The following FNIP1 variants were observed in gnomAD, a reference collection of about 807,000 sequenced individuals.
FNIP1 encodes the protein folliculin-interacting protein 1.
FNIP1 carries 40 observed loss-of-function variants against 124.5 expected under a neutral mutation model. That is an observed-to-expected ratio of 0.32 (90% CI 0.25 to 0.42). The LOEUF (loss-of-function observed/expected upper bound fraction) is 0.42, where lower values mean the gene tolerates loss of function less well. FNIP1 is among the 10% of genes least tolerant of loss of function. The pLI is 1.00. For synonymous variants in FNIP1, 472 were observed against 470.6 expected, an observed-to-expected ratio of 1.00 and a Z score of -0.04; for missense variants, 1,176 against 1,403.7, an observed-to-expected ratio of 0.84 and a Z score of 2.59.
intron 2 of FNIP1, among the ~76,000 whole-genome samples, chr5:131,739,812 CAAAAAAAAA>C (rs60928249): frequency 3.2e-5 from 1 of 31,382 alleles, no homozygotes; most frequent in Non-Finnish European, 7.3e-5. Context: ...GACTCCAGCT[CAAAAAAAAA>C]AAAAAAAAAA....
chr5:131,704,178 T>C lies in FNIP1; in HGVS notation c.1003A>G (p.Ile335Val). 6.2e-7 allele frequency: 1 copy of C among 1,613,554 alleles called. No homozygotes were observed. Among genetic ancestry groups the C allele is most frequent in the South Asian group, 1.1e-5 (1 of 91,066 alleles). Reference sequence around the variant, plus strand: ...TCTTCATCTTTGGACAATGAAAAGATTACCCCAATTGCAATCTTCTTTTTC... The same window carrying C: ...TCTTCATCTTTGGACAATGAAAAGACTACCCCAATTGCAATCTTCTTTTTC... The part of the protein sequence containing the change: ...VRKKKIAIGV[I>V]FSLSKDEDEN... The change falls in exon 10 of 18, where the codon ATC (isoleucine) becomes GTC (valine). Residue 335 changes from isoleucine (I) to valine (V), a missense_variant. Physicochemically the swap from Ile to Val is conservative, Grantham distance 29. Around this residue, in one of 2 missense-constraint regions of FNIP1, gnomAD observed 1,109 missense variants for 1,288.5 expected, o/e 0.86. Coordinates refer to ENST00000510461, the MANE Select transcript of FNIP1 (RefSeq NM_133372.3).
intron 16 of FNIP1, among the ~76,000 whole-genome samples, chr5:131,648,675 A>C (rs981403929): frequency 6.6e-6 from 1 of 152,180 alleles, no homozygotes. Context: ...TACAGTATAT[A>C]ATTATATAGT....
intron 1 of FNIP1, among the ~76,000 whole-genome samples, chr5:131,783,921 C>T (rs2149585765): frequency 6.6e-6 from 1 of 151,938 alleles, no homozygotes; most frequent in Admixed American, 6.6e-5. Context: ...TCAGGAAACT[C>T]CTGGATAGAT....
chr5:131,715,511 C>A lies in FNIP1; in HGVS notation c.622+1054G>T, dbSNP rs200342732. 2.6e-4 allele frequency among the ~76,000 whole-genome samples: 40 copies of A among 152,056 alleles called. No individual in the cohort carries two copies. The East Asian group carries it at 6.6e-3, about 25-fold the overall frequency. ...AAAAAACAAAAACAAACAAAAAAAA[C>A]CCATAATTACTTTCAACTTTCAACA... On this transcript the variant is annotated intron_variant, in intron 6 of 17. Transcript: ENST00000510461.
chr5:131,763,896 G>A (rs868112589), intron 1 of FNIP1, among the ~76,000 whole-genome samples: 1 of 152,122 alleles, frequency 6.6e-6, no homozygotes, highest in South Asian at 2.1e-4. Flanking sequence ...ATATAGTTTG[G>A]ATCTGTGTCC....
At chr5:131,711,655 C>T (rs906494302) in intron 6 of FNIP1, among the ~76,000 whole-genome samples, 1 of 152,128 alleles carries the variant, frequency 6.6e-6, no homozygotes, top group African/African-American at 2.4e-5. Context: ...CCACCAGGCC[C>T]AGCTAATTTT....
intron 1 of FNIP1, among the ~76,000 whole-genome samples, chr5:131,777,168 T>C (rs953502005): frequency 6.6e-6 from 1 of 151,856 alleles, no homozygotes; most frequent in Non-Finnish European, 1.5e-5. Flanking sequence ...AAATAAACTA[T>C]AGTAAGACTG....
chr5:131,740,153 G>T (rs1770466216), intron 2 of FNIP1, among the ~76,000 whole-genome samples: 1 of 152,140 alleles, frequency 6.6e-6, no homozygotes, highest in Non-Finnish European at 1.5e-5. Flanking sequence ...GACTTTTAAA[G>T]TTCTAAACTT....
At chr5:131,790,042 A>G (rs989288668) in intron 1 of FNIP1, among the ~76,000 whole-genome samples, 1 of 152,266 alleles carries the variant, frequency 6.6e-6, no homozygotes, top group African/African-American at 2.4e-5. Flanking sequence ...TATCCAAAAC[A>G]GAACTTTTGA....
chr5:131,772,837 A>G (rs116478121), intron 1 of FNIP1, among the ~76,000 whole-genome samples: 2,874 of 152,134 alleles, frequency 0.019, 42 homozygotes, highest in Non-Finnish European at 0.029. Flanking sequence ...TCTGCTTCTA[A>G]TTTCTTCCCA....
intron 11 of FNIP1, among the ~76,000 whole-genome samples, chr5:131,685,807 A>AG (rs1768257198): frequency 6.6e-6 from 1 of 151,698 alleles, no homozygotes; most frequent in Non-Finnish European, 1.5e-5. Flanking sequence ...TCCAGTTAAA[A>AG]AAAAAAAATT....
intron 1 of FNIP1, among the ~76,000 whole-genome samples, chr5:131,761,199 A>G (rs1222677467): frequency 6.6e-6 from 1 of 152,158 alleles, no homozygotes; most frequent in Non-Finnish European, 1.5e-5. Flanking sequence ...CACAACATTT[A>G]ATTTTTTGGT....
chr5:131,681,926 T>C (rs1326699753), intron 11 of FNIP1, among the ~76,000 whole-genome samples: 1 of 152,068 alleles, frequency 6.6e-6, no homozygotes, highest in Admixed American at 6.5e-5. Flanking sequence ...AAAATAAATA[T>C]GATCTAAAAC....
intron 6 of FNIP1, among the ~76,000 whole-genome samples, chr5:131,715,229 T>C (rs1197566642): frequency 6.6e-6 from 1 of 152,206 alleles, no homozygotes; most frequent in Non-Finnish European, 1.5e-5. Flanking sequence ...CTCACACCTG[T>C]AATCCCAGGA....
intron 1 of FNIP1, among the ~76,000 whole-genome samples, chr5:131,752,997 G>A (rs1043442990): frequency 3.3e-5 from 5 of 152,180 alleles, no homozygotes; most frequent in East Asian, 3.9e-4. Flanking sequence ...GCTTGAACTC[G>A]GGAGGTGGAG....
At chr5:131,784,830 A>T (rs1362257533) in intron 1 of FNIP1, among the ~76,000 whole-genome samples, 1 of 151,134 alleles carries the variant, frequency 6.6e-6, no homozygotes, top group Non-Finnish European at 1.5e-5. Flanking sequence ...TCAAAAAAAT[A>T]ATAATAAAAA....
At chr5:131,666,352 A>G (rs1477004878) in intron 15 of FNIP1, among the ~76,000 whole-genome samples, 7 of 152,174 alleles carry the variant, frequency 4.6e-5, no homozygotes, top group African/African-American at 1.7e-4. Context: ...AAAATATGAG[A>G]AGGAAAGACT....
Position 131,716,606 on chromosome 5 carries a change from G to A in FNIP1, c.581C>T (p.Ala194Val), listed in dbSNP as rs774532465. ...FINQDNNTLKADNNTVINGLL... is the reference protein window; with the variant it reads ...FINQDNNTLKVDNNTVINGLL... ...TCCATTAATAACTGTGTTATTATCA[G>A]CCTTTAATGTATTGTTGTCCTGATT... The change falls in exon 6 of 18, where the codon GCT (alanine) becomes GTT (valine). Residue 194 changes from alanine (A) to valine (V), a missense_variant. By Grantham distance (64) the Ala-to-Val change is moderately conservative. This residue lies in a region of FNIP1 where 1,109 missense variants were observed against 1,288.5 expected (regional missense o/e 0.86). Transcript: ENST00000510461. The A allele has an allele frequency of 1.9e-6, 3 of 1,606,778 alleles. No individual in the cohort carries two copies. In the East Asian group the frequency reaches 6.8e-5, roughly 36 times the overall value.
intron 2 of FNIP1, among the ~76,000 whole-genome samples, chr5:131,735,155 T>C (rs1313883006): frequency 6.6e-6 from 1 of 152,194 alleles, no homozygotes; most frequent in Non-Finnish European, 1.5e-5. Context: ...TCATGTCCTT[T>C]GTAGGGACAC....
Sources: allele counts gnomAD v4.1 joint callset (sites outside exome capture counted in the v4.1 genomes callset), GRCh38; gene constraint gnomAD v4.1.1; regional missense constraint gnomAD v4.1.1; transcripts MANE v1.5; gene names NCBI Gene and HGNC (gene_info 2026-07-23, HGNC 2026-07-21).